The following PPP1R3D variants were observed in gnomAD, a reference collection of about 807,000 sequenced individuals.
PPP1R3D encodes protein phosphatase 1 regulatory subunit 3D.
A neutral mutation model predicts 16.3 loss-of-function variants in PPP1R3D; 27 were observed. The ratio of observed to expected loss-of-function variants is 1.66; its 90% confidence interval spans 1.22 to 2.29. The LOEUF is 2.29. PPP1R3D is among the 30% of genes most tolerant of loss of function. The pLI is 0.00. For synonymous variants in PPP1R3D, 223 were observed against 209.7 expected (o/e 1.06, Z -0.55); for missense variants, 472 against 438.3 (o/e 1.08, Z -0.69).
chr20:59,938,715 CTTGGGCCT>C lies in PPP1R3D; in HGVS notation c.*309_*316del, dbSNP rs537818398. 3.8e-5 allele frequency: 10 copies of C among 262,972 alleles called. No individual in the cohort carries two copies. The highest frequency in any genetic ancestry group is 6.4e-5 in the Non-Finnish European group (9 of 139,814). The allele number at this position is 262,972 out of a possible 1,614,324, so 16.3% of individuals were successfully genotyped here. ...GCAAAAGCTTTTCCTAGCAGGAGGA[CTTGGGCCT>C]TTGCAAAACAAGCTGCTTGGGCCTC... On this transcript the variant is annotated 3_prime_UTR_variant, in exon 1 of 1. Transcript: ENST00000370996.
In PPP1R3D at chr20:59,937,804, C is replaced by G. The variant is rs1331637502; in HGVS notation, c.*1228G>C. ...CAGCAGGGGACAGTGGTCTTGACTTCTTGGTTGACGGTTTAAAAACATAAA... is the reference window on the plus strand; with the variant it reads ...CAGCAGGGGACAGTGGTCTTGACTTGTTGGTTGACGGTTTAAAAACATAAA... On this transcript the variant is annotated 3_prime_UTR_variant, in exon 1 of 1. Transcript: ENST00000370996. 1 of 152,220 alleles carries G rather than the reference C, an allele frequency of 6.6e-6. No individual in the cohort carries two copies. Among genetic ancestry groups the G allele is most frequent in the Non-Finnish European group, 1.5e-5 (1 of 67,982 alleles). The allele number at this position is 152,220 out of a possible 1,614,324, so 9.4% of individuals were successfully genotyped here.
chr20:59,939,144 C>G lies in PPP1R3D; in HGVS notation c.788G>C (p.Gly263Ala). ...VHFAVRYQVAGAEYWDNNDHR... is the reference protein window; with the variant it reads ...VHFAVRYQVAAAEYWDNNDHR... ...GTCGTTGTTGTCCCAGTACTCGGCA[C>G]CCGCCACTTGGTAGCGCACCGCGAA... is the stretch of plus-strand genomic sequence containing the variant. Residue 263 changes from glycine to alanine, a missense_variant, in exon 1 of 1, where the codon GGT (glycine) becomes GCT (alanine). Physicochemically the swap from Gly to Ala is moderately conservative, Grantham distance 60. Coordinates refer to ENST00000370996, the MANE Select transcript of PPP1R3D (RefSeq NM_006242.4). The G allele has an allele frequency of 6.2e-7, 1 of 1,610,946 alleles. No individual in the cohort carries two copies. The highest frequency in any genetic ancestry group is 1.1e-5 in the South Asian group (1 of 91,002).
Position 59,936,801 on chromosome 20 carries a change from C to T in PPP1R3D, c.*2231G>A, listed in dbSNP as rs1601037568. The T allele has an allele frequency of 6.6e-6, 1 of 152,206 alleles. No individual in the cohort carries two copies. The highest frequency in any genetic ancestry group is 2.1e-4 in the South Asian group (1 of 4,838). The allele number at this position is 152,206 out of a possible 1,614,324, so 9.4% of individuals were successfully genotyped here. On this transcript the variant is annotated 3_prime_UTR_variant, in exon 1 of 1. Coordinates refer to ENST00000370996, the MANE Select transcript of PPP1R3D (RefSeq NM_006242.4). Reference sequence around the variant, plus strand: ...TTCTGTAATTAGGCCACAAGAAAAACATACTGAAGCATAATAGAATGGCTC... The same window carrying T: ...TTCTGTAATTAGGCCACAAGAAAAATATACTGAAGCATAATAGAATGGCTC...
rs1765899886 is a variant in PPP1R3D at position 59,939,664 on chromosome 20, C to T, written c.268G>A (p.Gly90Ser). The change falls in exon 1 of 1, where the codon GGC becomes AGC. Residue 90 changes from glycine (G) to serine (S), a missense_variant. Gly to Ser is a moderately conservative substitution (Grantham distance 56, BLOSUM62 0). Coordinates refer to ENST00000370996, the MANE Select transcript of PPP1R3D (RefSeq NM_006242.4). ...CTGCAGCCCGGCCGACACGCAGCGC[C>T]CGGCGCGCCCGCGGCCTTCTGGCGG... The part of the protein sequence containing the change: ...ERRQKAAGAP[G>S]AACRPGCSQK... 4 of 1,481,672 alleles carry T rather than the reference C, an allele frequency of 2.7e-6. No individual in the cohort carries two copies. Among genetic ancestry groups the T allele is most frequent in the East Asian group, 2.7e-5 (1 of 36,650 alleles). The allele number at this position is 1,481,672 out of a possible 1,614,324, so 91.8% of individuals were successfully genotyped here.
Position 59,939,625 on chromosome 20 carries a change from C to G in PPP1R3D, c.307G>C (p.Val103Leu), listed in dbSNP as rs2060886496. ...CRPGCSQKLRVRFADALGLEL... is the reference protein window; with the variant it reads ...CRPGCSQKLRLRFADALGLEL... ...AAGCCCAGGGCGTCGGCGAAGCGCA[C>G]GCGGAGCTTCTGGCTGCAGCCCGGC... is the stretch of plus-strand genomic sequence containing the variant. The change falls in exon 1 of 1, where the codon GTG becomes CTG. Residue 103 changes from valine to leucine, a missense_variant. Coordinates refer to ENST00000370996, the MANE Select transcript of PPP1R3D (RefSeq NM_006242.4). 6.3e-7 allele frequency: 1 copy of G among 1,584,820 alleles called. No homozygotes were observed. The highest frequency in any genetic ancestry group is 1.7e-5 in the Admixed American group (1 of 57,460).
Position 59,936,838 on chromosome 20 carries a change from T to C in PPP1R3D, c.*2194A>G, listed in dbSNP as rs190262821. The C allele has an allele frequency of 1.2e-4, 19 of 152,460 alleles. No individual in the cohort carries two copies. In the East Asian group the frequency reaches 2.9e-3, roughly 23 times the overall value. 9.4% of individuals were successfully genotyped at this position (152,460 alleles called of 1,614,324 possible). A position where few individuals can be genotyped will look rare whatever the true frequency, so the allele number is the denominator to read the frequency against. ...TAATAGAATGGCTCACAACTGTTTT[T>C]GCACATATACTTTAATACTTAGGCT... On this transcript the variant is annotated 3_prime_UTR_variant, in exon 1 of 1. Transcript: ENST00000370996.
rs556567480 is a variant in PPP1R3D, at chr20:59,939,292, G to A, written c.640C>T (p.Arg214Cys). 3.7e-6 allele frequency: 6 copies of A among 1,612,288 alleles called. No individual in the cohort carries two copies. The highest frequency in any genetic ancestry group is 3.3e-5 in the Admixed American group (2 of 60,008). ...VAVRYTFSGW[R>C]STHEAVARWR... ...CGCGCCACCGCCTCGTGGGTACTGC[G>A]CCAGCCCGAGAAAGTGTAGCGCACA... Residue 214 changes from arginine (R) to cysteine (C), a missense_variant, in exon 1 of 1, where the codon CGC becomes TGC. Physicochemically the swap from Arg to Cys is radical, Grantham distance 180. Transcript: ENST00000370996.
At position 59,939,257 on chromosome 20, in the gene PPP1R3D, C is replaced by A. The variant is rs1040588449; in HGVS notation, c.675G>T (p.Gly225=). 1.9e-6 allele frequency: 3 copies of A among 1,611,940 alleles called. No homozygotes were observed. The highest frequency in any genetic ancestry group is 2.7e-5 in the African/African-American group (2 of 74,904). ...CCTCCGTGCCCTCGGGGCCTGCGGG[C>A]CCGCGCCACCGCGCCACCGCCTCGT... ...STHEAVARWR[G]PAGPEGTEDV... The change falls in exon 1 of 1, where the codon GGG becomes GGT. Residue 225 remains glycine (G), a synonymous_variant. Coordinates refer to ENST00000370996, the MANE Select transcript of PPP1R3D (RefSeq NM_006242.4).
Position 59,939,941 on chromosome 20 carries a change from G to A in PPP1R3D, c.-10C>T, listed in dbSNP as rs932853917. On this transcript the variant is annotated 5_prime_UTR_variant, in exon 1 of 1. Coordinates refer to ENST00000370996, the MANE Select transcript of PPP1R3D (RefSeq NM_006242.4). ...TCGGGCCTCTGGACATGGCCCCGCC[G>A]GCCGTCGGAAGATGAGGCAGGGATG... 2 of 1,264,952 alleles carry A rather than the reference G, an allele frequency of 1.6e-6. No individual in the cohort carries two copies. Among genetic ancestry groups the A allele is most frequent in the Non-Finnish European group, 2.0e-6 (2 of 999,432 alleles). 78.4% of individuals were successfully genotyped at this position (1,264,952 alleles called of 1,614,324 possible).
chr20:59,939,751 C>T lies in PPP1R3D; in HGVS notation c.181G>A (p.Asp61Asn). The T allele has an allele frequency of 8.2e-7, 1 of 1,225,008 alleles. No individual in the cohort carries two copies. Among genetic ancestry groups the T allele is most frequent in the Non-Finnish European group, 1.0e-6 (1 of 984,236 alleles). The allele number at this position is 1,225,008 out of a possible 1,614,324, so 75.9% of individuals were successfully genotyped here. The change falls in exon 1 of 1, where the codon GAC (aspartate) becomes AAC (asparagine). Residue 61 changes from aspartate to asparagine, a missense_variant. Asp to Asn is a conservative substitution (Grantham distance 23, BLOSUM62 1). Coordinates refer to ENST00000370996, the MANE Select transcript of PPP1R3D (RefSeq NM_006242.4). The part of the protein sequence containing the change: ...PPPTPAPSGC[D>N]PRLRPIILRR... ...AGGATGATGGGCCGCAGGCGGGGGT[C>T]GCAGCCCGACGGCGCTGGCGTTGGC...
At position 59,939,104 on chromosome 20, in the gene PPP1R3D, G is replaced by A; in HGVS notation, c.828C>T (p.Ser276=). Residue 276 remains serine, a synonymous_variant, in exon 1 of 1, where the codon AGC becomes AGT. Coordinates refer to ENST00000370996, the MANE Select transcript of PPP1R3D (RefSeq NM_006242.4). ...YWDNNDHRDY[S]LTCRNHALHM... ...GCAGCGCGTGGTTGCGACATGTGAG[G>A]CTGTAGTCTCGGTGGTCGTTGTTGT... 2 of 1,600,598 alleles carry A rather than the reference G, an allele frequency of 1.2e-6. No individual in the cohort carries two copies. Among genetic ancestry groups the A allele is most frequent in the Non-Finnish European group, 1.7e-6 (2 of 1,176,196 alleles).
Position 59,939,040 on chromosome 20 carries a change from A to T in PPP1R3D, c.892T>A (p.Phe298Ile). 1 of 1,528,734 alleles carries T rather than the reference A, an allele frequency of 6.5e-7. No individual in the cohort carries two copies. The highest frequency in any genetic ancestry group is 2.0e-5 in the Admixed American group (1 of 49,212). The allele number at this position is 1,528,734 out of a possible 1,614,324, so 94.7% of individuals were successfully genotyped here. The change falls in exon 1 of 1, where the codon TTC becomes ATC. Residue 298 changes from phenylalanine (F) to isoleucine (I), a missense_variant. Physicochemically the swap from Phe to Ile is conservative, Grantham distance 21 (BLOSUM62 0). Transcript: ENST00000370996. ...GCCGGTCCCCGCGCGGCTCAGATGA[A>T]GTGGATCCAGCTCTCTTCGCACTCC... ...RGECEESWIH[F>I]I
At position 59,938,619 on chromosome 20, in the gene PPP1R3D, T is replaced by A. The variant is rs1320391736; in HGVS notation, c.*413A>T. ...AGAATATTCCTGAGGAGGCATCCGC[T>A]ATGGGCTAAAGGTCCCAACATCACA... On this transcript the variant is annotated 3_prime_UTR_variant, in exon 1 of 1. Transcript: ENST00000370996. 6.3e-6 allele frequency: 1 copy of A among 157,568 alleles called. No individual in the cohort carries two copies. The highest frequency in any genetic ancestry group is 1.4e-5 in the Non-Finnish European group (1 of 71,686). 9.8% of individuals were successfully genotyped at this position (157,568 alleles called of 1,614,324 possible). A position where few individuals can be genotyped will look rare whatever the true frequency, so the allele number is the denominator to read the frequency against.
chr20:59,939,297 C>T lies in PPP1R3D; in HGVS notation c.635G>A (p.Gly212Asp). The T allele has an allele frequency of 1.9e-6, 3 of 1,612,340 alleles. No homozygotes were observed. Among genetic ancestry groups the T allele is most frequent in the African/African-American group, 1.3e-5 (1 of 75,046 alleles). The part of the protein sequence containing the change: ...KQVAVRYTFS[G>D]WRSTHEAVAR... ...CACCGCCTCGTGGGTACTGCGCCAG[C>T]CCGAGAAAGTGTAGCGCACAGCCAC... is the stretch of plus-strand genomic sequence containing the variant. The change falls in exon 1 of 1, where the codon GGC becomes GAC. Residue 212 changes from glycine (G) to aspartate (D), a missense_variant. Physicochemically the swap from Gly to Asp is moderately conservative, Grantham distance 94. Coordinates refer to ENST00000370996, the MANE Select transcript of PPP1R3D (RefSeq NM_006242.4).
chr20:59,937,988 A>G lies in PPP1R3D; in HGVS notation c.*1044T>C, dbSNP rs1467665805. On this transcript the variant is annotated 3_prime_UTR_variant, in exon 1 of 1. Coordinates refer to ENST00000370996, the MANE Select transcript of PPP1R3D (RefSeq NM_006242.4). ...AATATTTGTCAATTATTTTTCCTCCAGTGCTCTGGCTATTGCTGAAAACAC... is the reference window on the plus strand; with the variant it reads ...AATATTTGTCAATTATTTTTCCTCCGGTGCTCTGGCTATTGCTGAAAACAC... The G allele has an allele frequency of 2.6e-5, 4 of 152,262 alleles. No individual in the cohort carries two copies. Among genetic ancestry groups the G allele is most frequent in the Non-Finnish European group, 5.9e-5 (4 of 68,038 alleles). 9.4% of individuals were successfully genotyped at this position (152,262 alleles called of 1,614,324 possible). A position where few individuals can be genotyped will look rare whatever the true frequency, so the allele number is the denominator to read the frequency against.
chr20:59,940,031 A>C lies in PPP1R3D; in HGVS notation c.-100T>G. The C allele has an allele frequency of 9.8e-7, 1 of 1,022,410 alleles. No individual in the cohort carries two copies. Among genetic ancestry groups the C allele is most frequent in the African/African-American group, 1.7e-5 (1 of 59,786 alleles). The allele number at this position is 1,022,410 out of a possible 1,614,324, so 63.3% of individuals were successfully genotyped here. A position where few individuals can be genotyped will look rare whatever the true frequency, so the allele number is the denominator to read the frequency against. On this transcript the variant is annotated 5_prime_UTR_variant, in exon 1 of 1. Transcript: ENST00000370996. Reference sequence around the variant, plus strand: ...TCAGAAGCCGCAGAGAGTCCACCGTATCTGCAACCTGCGGGGGACCTCTCG... The same window carrying C: ...TCAGAAGCCGCAGAGAGTCCACCGTCTCTGCAACCTGCGGGGGACCTCTCG...
rs779121626 is a variant in PPP1R3D, at chr20:59,939,005, G to A, written c.*27C>T. On this transcript the variant is annotated 3_prime_UTR_variant, in exon 1 of 1. Coordinates refer to ENST00000370996, the MANE Select transcript of PPP1R3D (RefSeq NM_006242.4). ...CAGGAGGCGCAGCTTAGGTGTGGAG[G>A]CTCCAGGTGGCCGGTCCCCGCGCGG... 21 of 1,488,690 alleles carry A rather than the reference G, an allele frequency of 1.4e-5. No individual in the cohort carries two copies. Among genetic ancestry groups the A allele is most frequent in the Admixed American group, 2.2e-5 (1 of 44,606 alleles). The allele number at this position is 1,488,690 out of a possible 1,614,324, so 92.2% of individuals were successfully genotyped here.
rs1046108618 is a variant in PPP1R3D, at chr20:59,939,785, G to C, written c.147C>G (p.Arg49=). The change falls in exon 1 of 1, where the codon CGC becomes CGG. Residue 49 remains arginine (R), a synonymous_variant. Transcript: ENST00000370996. ...ACGGCGCTGGCGTTGGCGGCGGCGC[G>C]CGGCCCGGGCTCCCAGGGGGCCTAC... ...RACRPPGSPG[R]APPPTPAPSG... 2.4e-6 allele frequency: 3 copies of C among 1,225,490 alleles called. No homozygotes were observed. Among genetic ancestry groups the C allele is most frequent in the Non-Finnish European group, 3.0e-6 (3 of 984,134 alleles). The allele number at this position is 1,225,490 out of a possible 1,614,324, so 75.9% of individuals were successfully genotyped here.
Position 59,939,434 on chromosome 20 carries a change from G to A in PPP1R3D, c.498C>T (p.Ala166=), listed in dbSNP as rs2060884281. The change falls in exon 1 of 1, where the codon GCC becomes GCT. Residue 166 remains alanine (A), a synonymous_variant. Transcript: ENST00000370996. ...GCCGCTGCAGGCGCTCGCCAAAGTC[G>A]GCGGCCTCGACGGGCGGCGGGAAAT... The part of the protein sequence containing the change: ...VPDFPPPVEA[A]DFGERLQRQL... 6 of 1,611,392 alleles carry A rather than the reference G, an allele frequency of 3.7e-6. No homozygotes were observed. Among genetic ancestry groups the A allele is most frequent in the Non-Finnish European group, 4.2e-6 (5 of 1,179,530 alleles).
Sources: allele counts gnomAD v4.1 joint callset, GRCh38; gene constraint gnomAD v4.1.1; transcripts MANE v1.5; gene names NCBI Gene and HGNC (gene_info 2026-07-23, HGNC 2026-07-21).